Variants in SPG11 observed in about 807,000 individuals in gnomAD.
SPG11 encodes spatacsin.
A neutral mutation model predicts 274.0 loss-of-function variants in SPG11; 222 were observed. The ratio of observed to expected loss-of-function variants is 0.81; its 90% CI spans 0.73 to 0.91. SPG11 has a LOEUF of 0.91. SPG11 is among the 40% of genes least tolerant of loss of function. The probability of loss-of-function intolerance (pLI) is 0.00; values close to 1 mark genes in which losing one functional copy is unlikely to be tolerated. For synonymous variants in SPG11, 1,144 were observed against 1,039.7 expected (o/e 1.10, Z -1.93); for missense variants, 3,114 against 2,872.7 (o/e 1.08, Z -1.92).
intron 39 of SPG11, among the ~76,000 whole-genome samples, chr15:44,563,657 A>G (rs1367907978): frequency 2.7e-5 from 4 of 146,280 alleles, no homozygotes; most frequent in Non-Finnish European, 1.5e-5. Flanking sequence ...TCTCTTAAAT[A>G]AAAGATGGAG....
chr15:44,580,392 C>T (rs1054270411), intron 30 of SPG11, among the ~76,000 whole-genome samples: 5 of 152,232 alleles, frequency 3.3e-5, no homozygotes, highest in South Asian at 4.1e-4. Context: ...TCATTGTTAA[C>T]GCATGGCTGT....
At chr15:44,564,967 G>A (rs1003514866) in intron 38 of SPG11, among the ~76,000 whole-genome samples, 1 of 151,976 alleles carries the variant, frequency 6.6e-6, no homozygotes, top group African/African-American at 2.4e-5. Flanking sequence ...AGAAATTCCT[G>A]GGCTCAAGAT....
chr15:44,621,915 CT>C lies in SPG11; in HGVS notation c.2463del (p.Asp822IlefsTer13), dbSNP rs1378409325. ...QSFPRYWIKE[Q>X]DFFKHKSVLD... The stretch of plus-strand genomic sequence containing the variant: ...AAAACAGACTTGTGCTTGAAAAAAT[CT>C]TGTTCCTTTATCCAGTACCTAAAAA... On this transcript the variant is annotated frameshift_variant, in exon 14 of 40. Transcript: ENST00000261866. LOFTEE classifies it high-confidence loss of function. 6.2e-7 allele frequency: 1 copy of C among 1,613,146 alleles called. No homozygotes were observed. The highest frequency in any genetic ancestry group is 8.5e-7 in the Non-Finnish European group (1 of 1,179,666).
At chr15:44,601,209 T>A (rs544198967) in intron 20 of SPG11, among the ~76,000 whole-genome samples, 1 of 150,248 alleles carries the variant, frequency 6.7e-6, no homozygotes, top group East Asian at 2.0e-4. Context: ...CTGCGTGACC[T>A]TGAGCAACTT....
intron 21 of SPG11, among the ~76,000 whole-genome samples, chr15:44,599,533 TG>T (rs2083130080): frequency 6.6e-6 from 1 of 152,076 alleles, no homozygotes; most frequent in African/African-American, 2.4e-5. Context: ...CTCCTGAGGT[TG>T]TGATCCGCCC....
intron 11 of SPG11, 101 bp downstream of exon 11, chr15:44,626,230 A>G (rs925856798): frequency 9.8e-7 from 1 of 1,024,074 alleles, no homozygotes; most frequent in Non-Finnish European, 1.4e-6. Context: ...TTACTACATA[A>G]ATTTCTTAGT....
Position 44,642,697 on chromosome 15 carries a change from CAA to C in SPG11, c.1602+6167_1602+6168del, listed in dbSNP as rs201516811. Among the ~76,000 whole-genome samples, 328 of 115,240 alleles carry C rather than the reference CAA, an allele frequency of 2.8e-3. 1 individual carries two copies. Among genetic ancestry groups the C allele is most frequent in the African/African-American group, 9.3e-3 (297 of 31,834 alleles). 75.6% of individuals were successfully genotyped at this position (115,240 alleles called of 152,430 possible). The stretch of plus-strand genomic sequence containing the variant: ...GAAACAAAGCAAGATTCCACCTCTA[CAA>C]AAAAAAAAAAAATAATAAAAATTAT... On this transcript the variant is annotated intron_variant, in intron 7 of 39. Coordinates refer to ENST00000261866, the MANE Select transcript of SPG11 (RefSeq NM_025137.4).
chr15:44,656,971 G>C, intron 4 of SPG11, 124 bp downstream of exon 4: 2 of 802,006 alleles, frequency 2.5e-6, no homozygotes, highest in Admixed American at 2.6e-5. Flanking sequence ...GTATTAGCTA[G>C]AACATGATCT....
chr15:44,607,749 T>C (rs925963559), intron 19 of SPG11, among the ~76,000 whole-genome samples: 11 of 152,222 alleles, frequency 7.2e-5, no homozygotes, highest in African/African-American at 1.9e-4. Flanking sequence ...CAAAATTATA[T>C]GCATATGTGT....
At chr15:44,576,672 GTCTA>G (rs906701593) in intron 30 of SPG11, among the ~76,000 whole-genome samples, 17 of 151,776 alleles carry the variant, frequency 1.1e-4, no homozygotes, top group Middle Eastern at 3.2e-3. Flanking sequence ...AAAGAAGGGG[GTCTA>G]TCTATATGTA....
rs566399432 is a variant in SPG11 at position 44,563,310 on chromosome 15, A to AGAAAC, written c.7152-14_7152-10dup. The AGAAAC allele has an allele frequency of 2.7e-4, 441 of 1,610,246 alleles. No homozygotes were observed. The highest frequency in any genetic ancestry group is 3.8e-4 in the Admixed American group (23 of 60,020). On this transcript the variant is annotated splice_polypyrimidine_tract_variant and intron_variant, in intron 39 of 39. Coordinates refer to ENST00000261866, the MANE Select transcript of SPG11 (RefSeq NM_025137.4). Reference sequence around the variant, plus strand: ...GCTGATGTTGTTTATATCTAGATAAAGAAACATAATGTACAGGTTAAGATA... The same window carrying AGAAAC: ...GCTGATGTTGTTTATATCTAGATAAAGAAACGAAACATAATGTACAGGTTAAGATA...
intron 30 of SPG11, among the ~76,000 whole-genome samples, chr15:44,576,195 T>C (rs1595832237): frequency 6.8e-6 from 1 of 147,408 alleles, no homozygotes; most frequent in Non-Finnish European, 1.5e-5. Flanking sequence ...GGAGAAGATA[T>C]TAATTTGATA....
intron 30 of SPG11, among the ~76,000 whole-genome samples, chr15:44,582,456 GCGAAT>G (rs2082675906): frequency 6.6e-6 from 1 of 152,152 alleles, no homozygotes; most frequent in Admixed American, 6.5e-5. Flanking sequence ...GCTGAGGCAG[GCGAAT>G]CACTTGAACC....
chr15:44,590,983 T>C (rs1375901781), intron 27 of SPG11: 1 of 152,164 alleles, frequency 6.6e-6, no homozygotes, highest in Non-Finnish European at 1.5e-5. Context: ...GATCTTAAAT[T>C]AAGGAATGGT....
In SPG11 at chr15:44,622,377, T is replaced by A. The variant is rs375673992; in HGVS notation, c.2317-30A>T. 43 of 1,506,866 alleles carry A rather than the reference T, an allele frequency of 2.9e-5. No individual in the cohort carries two copies. The African/African-American group carries it at 5.5e-4, about 19-fold the overall frequency. 93.3% of individuals were successfully genotyped at this position (1,506,866 alleles called of 1,614,324 possible). A position where few individuals can be genotyped will look rare whatever the true frequency, so the allele number is the denominator to read the frequency against. On this transcript the variant is annotated intron_variant, in intron 12 of 39. Transcript: ENST00000261866. The stretch of plus-strand genomic sequence containing the variant: ...AATAAAAAGTAATTAAAGCAGTGAC[T>A]TTACAAAAAATCAAGCACTTTTGCA...
chr15:44,660,655 G>T (rs757363092), intron 1 of SPG11, 39 bp from the exon 2 acceptor site: 2 of 1,586,916 alleles, frequency 1.3e-6, no homozygotes, highest in Admixed American at 1.7e-5. Context: ...TTCTATATCC[G>T]CAATAATATT....
intron 7 of SPG11, among the ~76,000 whole-genome samples, chr15:44,647,866 T>C (rs557888847): frequency 1.0e-3 from 156 of 152,342 alleles, no homozygotes; most frequent in African/African-American, 3.5e-3. Flanking sequence ...CACAGGCCAT[T>C]GAATTGTACA....
chr15:44,636,946 A>AAAAAAAAAAAAC lies in SPG11; in HGVS notation c.1603-3321_1603-3310dup, dbSNP rs1595909069. 5.4e-5 allele frequency among the ~76,000 whole-genome samples: 7 copies of AAAAAAAAAAAAC among 129,872 alleles called. No homozygotes were observed. In the East Asian group the frequency reaches 1.3e-3, roughly 25 times the overall value. The allele number at this position is 129,872 out of a possible 152,430, so 85.2% of individuals were successfully genotyped here. On this transcript the variant is annotated intron_variant, in intron 7 of 39. Coordinates refer to ENST00000261866, the MANE Select transcript of SPG11 (RefSeq NM_025137.4). The stretch of plus-strand genomic sequence containing the variant: ...ATCTCAAAAAAAAAAAAAAAAAAAA[A>AAAAAAAAAAAAC]AAAAAAAAAAACAAAAAAAAAACAC...
At chr15:44,590,963 A>G (rs966385564) in intron 27 of SPG11, 4 of 152,182 alleles carry the variant, frequency 2.6e-5, no homozygotes, top group Admixed American at 2.6e-4. Context: ...GGAATTCTCA[A>G]GACTGCCAAG....
Sources: gnomAD v4.1 joint callset for allele counts (sites outside exome capture counted in the v4.1 genomes callset) on GRCh38, gnomAD v4.1.1 for gene constraint, MANE v1.5 for transcripts, NCBI Gene and HGNC (gene_info 2026-07-23, HGNC 2026-07-21) for gene names.